PLCXD3: variants seen among roughly 807,000 people sequenced by gnomAD.
PLCXD3 encodes phosphatidylinositol specific phospholipase C X domain containing 3, also known as PI-PLC X domain-containing protein 3.
In PLCXD3, 19 loss-of-function variants were observed where a neutral mutation model predicts 25.5. That is an observed-to-expected ratio of 0.75 (90% CI 0.52 to 1.09). The LOEUF is 1.09. Ranked by LOEUF, PLCXD3 falls within the 50% of genes least tolerant of loss-of-function variation. The pLI is 0.00. For synonymous variants in PLCXD3, 174 were observed against 137.6 expected (o/e 1.26, Z -1.85); for missense variants, 411 against 388.1 (o/e 1.06, Z -0.50).
At chr5:41,457,015 C>T (rs1747768705) in intron 1 of PLCXD3, among the ~76,000 whole-genome samples, 1 of 151,918 alleles carries the variant, frequency 6.6e-6, no homozygotes, top group Non-Finnish European at 1.5e-5. Context: ...AATACATTAG[C>T]ACTAACAGGA....
intron 2 of PLCXD3, among the ~76,000 whole-genome samples, chr5:41,362,756 G>C (rs192301646): frequency 6.6e-6 from 1 of 152,126 alleles, no homozygotes. Flanking sequence ...AGCAACTCCT[G>C]ATCAACCAAC....
At chr5:41,421,011 A>T (rs568046943) in intron 1 of PLCXD3, among the ~76,000 whole-genome samples, 3 of 152,320 alleles carry the variant, frequency 2.0e-5, no homozygotes, top group Admixed American at 6.5e-5. Flanking sequence ...TAGATCCCTG[A>T]TATCCTTTTA....
At chr5:41,377,311 G>GTTA (rs765961511) in intron 2 of PLCXD3, among the ~76,000 whole-genome samples, 5 of 151,286 alleles carry the variant, frequency 3.3e-5, no homozygotes, top group African/African-American at 1.2e-4. Context: ...AATAATAACA[G>GTTA]TTATTATTAT....
intron 1 of PLCXD3, among the ~76,000 whole-genome samples, chr5:41,489,959 T>G (rs891133067): frequency 3.3e-5 from 5 of 151,998 alleles, no homozygotes; most frequent in Admixed American, 2.6e-4. Context: ...TGGCCAGAAC[T>G]TCCAACACTA....
At chr5:41,483,438 C>A (rs1003331929) in intron 1 of PLCXD3, among the ~76,000 whole-genome samples, 5 of 151,964 alleles carry the variant, frequency 3.3e-5, no homozygotes, top group Non-Finnish European at 5.9e-5. Flanking sequence ...TGTTTCTGAG[C>A]CTTGAGACCC....
rs1743105311 is a variant in PLCXD3, at chr5:41,310,355, T to C, written c.*3262A>G. 6.6e-6 allele frequency: 1 copy of C among 152,176 alleles called. No homozygotes were observed. The highest frequency in any genetic ancestry group is 6.5e-5 in the Admixed American group (1 of 15,272). 9.4% of individuals were successfully genotyped at this position (152,176 alleles called of 1,614,324 possible). A position where few individuals can be genotyped will look rare whatever the true frequency, so the allele number is the denominator to read the frequency against. On this transcript the variant is annotated 3_prime_UTR_variant, in exon 3 of 3. Transcript: ENST00000377801. The stretch of plus-strand genomic sequence containing the variant: ...CACCCACTCCTTTGATTTCCTGCTG[T>C]AGATTGGGTAAAAGTTAGATTGTAT...
chr5:41,472,259 A>C (rs1748182716), intron 1 of PLCXD3, among the ~76,000 whole-genome samples: 1 of 152,112 alleles, frequency 6.6e-6, no homozygotes, highest in South Asian at 2.1e-4. Context: ...GCCATCCCTT[A>C]AATTTTAGAA....
intron 1 of PLCXD3, among the ~76,000 whole-genome samples, chr5:41,466,278 A>G (rs375863309): frequency 9.2e-5 from 14 of 152,248 alleles, no homozygotes; most frequent in African/African-American, 3.4e-4. Context: ...AAGTACATTA[A>G]AATGCTTATA....
At position 41,371,039 on chromosome 5, in the gene PLCXD3, A is replaced by C. The variant is rs75624325; in HGVS notation, c.812+10787T>G. Reference sequence around the variant, plus strand: ...CAGAGAAAGAAAGTCAAGTTGACTGAAAATATAGCCTAATTTGAAGAGTTT... The same window carrying C: ...CAGAGAAAGAAAGTCAAGTTGACTGCAAATATAGCCTAATTTGAAGAGTTT... On this transcript the variant is annotated intron_variant, in intron 2 of 2. Coordinates refer to ENST00000377801, the MANE Select transcript of PLCXD3 (RefSeq NM_001005473.3). Among the ~76,000 whole-genome samples the C allele has an allele frequency of 1.9e-3, 296 of 152,282 alleles. 2 individuals carry two copies. Among genetic ancestry groups the C allele is most frequent in the African/African-American group, 6.7e-3 (279 of 41,570 alleles).
intron 2 of PLCXD3, among the ~76,000 whole-genome samples, chr5:41,319,675 A>C (rs1054896846): frequency 6.6e-6 from 1 of 152,174 alleles, no homozygotes; most frequent in Non-Finnish European, 1.5e-5. Flanking sequence ...ACTTCAAATA[A>C]ACAATCTAAT....
chr5:41,473,584 C>G (rs1056842499), intron 1 of PLCXD3, among the ~76,000 whole-genome samples: 24 of 152,128 alleles, frequency 1.6e-4, no homozygotes, highest in African/African-American at 5.5e-4. Context: ...CTGGGACTAG[C>G]TGGGACTAGA....
intron 1 of PLCXD3, among the ~76,000 whole-genome samples, chr5:41,480,188 G>A (rs1418574909): frequency 6.6e-6 from 1 of 152,102 alleles, no homozygotes; most frequent in Non-Finnish European, 1.5e-5. Flanking sequence ...AAAATGCCCT[G>A]AAAGCAATAT....
At chr5:41,442,572 A>T (rs1364421279) in intron 1 of PLCXD3, among the ~76,000 whole-genome samples, 1 of 152,188 alleles carries the variant, frequency 6.6e-6, no homozygotes, top group Non-Finnish European at 1.5e-5. Flanking sequence ...ATCACAAGAC[A>T]TTATTGAGGT....
intron 2 of PLCXD3, among the ~76,000 whole-genome samples, chr5:41,362,425 T>G (rs1371312071): frequency 6.6e-6 from 1 of 152,174 alleles, no homozygotes; most frequent in Non-Finnish European, 1.5e-5. Context: ...TAAGGCTCAT[T>G]TCTTCCATAG....
intron 1 of PLCXD3, among the ~76,000 whole-genome samples, chr5:41,498,544 A>G (rs1748888585): frequency 6.6e-6 from 1 of 151,668 alleles, no homozygotes; most frequent in South Asian, 2.1e-4. Context: ...CAACAAAGAA[A>G]AGCCCAGAAC....
In PLCXD3 at chr5:41,465,353, C is replaced by CTTTTTTTTTTTTTTTTTTTTTTTTT. The variant is rs58098437; in HGVS notation, c.103+45046_103+45070dup. The stretch of plus-strand genomic sequence containing the variant: ...TCCTACTTTCCCCACTAGTTCTTGT[C>CTTTTTTTTTTTTTTTTTTTTTTTTT]TTTTTTTTTTTTTTTTTTTTTTTTT... On this transcript the variant is annotated intron_variant, in intron 1 of 2. Coordinates refer to ENST00000377801, the MANE Select transcript of PLCXD3 (RefSeq NM_001005473.3). Among the ~76,000 whole-genome samples the CTTTTTTTTTTTTTTTTTTTTTTTTT allele has an allele frequency of 1.6e-3, 21 of 13,236 alleles. 4 individuals carry two copies. Among genetic ancestry groups the CTTTTTTTTTTTTTTTTTTTTTTTTT allele is most frequent in the Non-Finnish European group, 2.1e-3 (16 of 7,446 alleles). The allele number at this position is 13,236 out of a possible 152,430, so 8.7% of individuals were successfully genotyped here.
chr5:41,366,991 A>T (rs996182091), intron 2 of PLCXD3, among the ~76,000 whole-genome samples: 1 of 152,222 alleles, frequency 6.6e-6, no homozygotes, highest in African/African-American at 2.4e-5. Context: ...ATGACCACAT[A>T]GTATTCTATG....
intron 1 of PLCXD3, among the ~76,000 whole-genome samples, chr5:41,494,554 C>G (rs564726024): frequency 2.4e-4 from 36 of 152,148 alleles, no homozygotes; most frequent in African/African-American, 8.2e-4. Context: ...ATCCAAAATA[C>G]TTAGATGGGG....
chr5:41,486,943 C>T (rs886564029), intron 1 of PLCXD3, among the ~76,000 whole-genome samples: 3 of 152,096 alleles, frequency 2.0e-5, no homozygotes, highest in Admixed American at 6.6e-5. Context: ...ATCCCCCAAC[C>T]GTTTTACAGA....
Sources: gnomAD v4.1 joint callset for allele counts (sites outside exome capture counted in the v4.1 genomes callset) on GRCh38, gnomAD v4.1.1 for gene constraint, MANE v1.5 for transcripts, NCBI Gene and HGNC (gene_info 2026-07-23, HGNC 2026-07-21) for gene names.